SEMA6D: variants seen among roughly 807,000 people sequenced by gnomAD.
SEMA6D encodes the protein semaphorin 6D, also known as semaphorin-6D.
In SEMA6D, 35 loss-of-function variants were observed where a neutral mutation model predicts 106.6. That is an observed-to-expected ratio of 0.33 (90% CI 0.25 to 0.44). The LOEUF is 0.44. Among genes scored for constraint, SEMA6D ranks in the 20% least tolerant of loss-of-function variants. SEMA6D has a pLI of 1.00. For missense variants in SEMA6D, 1,185 were observed against 1,345.9 expected, an observed-to-expected ratio of 0.88 and a Z score of 1.87; for synonymous variants, 499 against 487.7, an observed-to-expected ratio of 1.02 and a Z score of -0.31.
chr15:47,682,228 C>T (rs965210358), intron 4 of SEMA6D, among the ~76,000 whole-genome samples: 10 of 150,828 alleles, frequency 6.6e-5, no homozygotes, highest in East Asian at 2.0e-4. Flanking sequence ...ACTGCAGTGG[C>T]GCTATCTCGG....
intron 1 of SEMA6D, among the ~76,000 whole-genome samples, chr15:47,736,476 G>C (rs1392840568): frequency 2.0e-5 from 3 of 152,200 alleles, no homozygotes; most frequent in Admixed American, 2.0e-4. Context: ...CAAGTCATCT[G>C]TAGAAATTTG....
chr15:47,643,605 C>G (rs1184718077), intron 4 of SEMA6D, among the ~76,000 whole-genome samples: 2 of 152,160 alleles, frequency 1.3e-5, no homozygotes, highest in Non-Finnish European at 2.9e-5. Flanking sequence ...GACATAAAAG[C>G]AAGATCCTAA....
chr15:47,614,836 G>T (rs949278988), intron 4 of SEMA6D, among the ~76,000 whole-genome samples: 2 of 152,186 alleles, frequency 1.3e-5, no homozygotes, highest in Non-Finnish European at 2.9e-5. Flanking sequence ...ATTCCTTGGA[G>T]CCTCAGTGCC....
chr15:47,394,030 C>G (rs1333052364), intron 1 of SEMA6D, among the ~76,000 whole-genome samples: 1 of 152,098 alleles, frequency 6.6e-6, no homozygotes, highest in Non-Finnish European at 1.5e-5. Context: ...CCCCACTCTC[C>G]CTGGTTCTTA....
chr15:47,322,169 A>G (rs1378888230), intron 1 of SEMA6D, among the ~76,000 whole-genome samples: 1 of 152,192 alleles, frequency 6.6e-6, no homozygotes, highest in Non-Finnish European at 1.5e-5. Flanking sequence ...CAAAAATAGT[A>G]CAGAGATTTC....
intron 1 of SEMA6D, among the ~76,000 whole-genome samples, chr15:47,304,433 TAAAAAAAAAA>T (rs56185341): frequency 3.4e-4 from 32 of 93,836 alleles, no homozygotes; most frequent in African/African-American, 1.7e-3. Flanking sequence ...GCCTTCTAAC[TAAAAAAAAAA>T]AAAAAAAAAA....
At chr15:47,659,425 T>G (rs1430818016) in intron 4 of SEMA6D, among the ~76,000 whole-genome samples, 3 of 151,774 alleles carry the variant, frequency 2.0e-5, no homozygotes, top group Admixed American at 6.6e-5. Flanking sequence ...AAAAATAAAA[T>G]ACCTATGTCT....
chr15:47,264,825 AG>A (rs1157353675), intron 1 of SEMA6D, among the ~76,000 whole-genome samples: 1 of 152,052 alleles, frequency 6.6e-6, no homozygotes. Context: ...GTCATGAAAA[AG>A]TATTGGATTT....
Position 47,623,770 on chromosome 15 carries a change from T to C in SEMA6D, c.-55+22874T>C, listed in dbSNP as rs567694988. 7.9e-5 allele frequency among the ~76,000 whole-genome samples: 12 copies of C among 152,336 alleles called. No individual in the cohort carries two copies. The South Asian group carries it at 2.5e-3, about 32-fold the overall frequency. ...AACAAGAAACAGACCTATGTCCTGT[T>C]TCAGAGTATTTTGTAGCCCAGAAGG... On this transcript the variant is annotated intron_variant, in intron 4 of 19. Coordinates refer to the SEMA6D transcript ENST00000558014.
At chr15:47,564,468 AT>A (rs1223844088) in intron 3 of SEMA6D, among the ~76,000 whole-genome samples, 1 of 152,058 alleles carries the variant, frequency 6.6e-6, no homozygotes, top group African/African-American at 2.4e-5. Context: ...TCAAAACAGA[AT>A]TTTTTTTATA....
intron 1 of SEMA6D, among the ~76,000 whole-genome samples, chr15:47,410,150 G>A (rs893117001): frequency 2.1e-5 from 2 of 94,962 alleles, no homozygotes; most frequent in Admixed American, 2.3e-4. Context: ...AATTGTTTTT[G>A]TATTTTTTTT....
chr15:47,762,388 G>C, intron 8 of SEMA6D, 69 bp downstream of exon 8: 2 of 1,566,592 alleles, frequency 1.3e-6, no homozygotes, highest in South Asian at 2.3e-5. Flanking sequence ...CAGCAGCCAC[G>C]GCCATCAAGA....
chr15:47,184,364 T>C (rs528400783), exon 1 of SEMA6D: 2 of 152,494 alleles, frequency 1.3e-5, no homozygotes, highest in East Asian at 3.9e-4. Context: ...GGGCCCGCGG[T>C]GCTAGACACC....
At chr15:47,433,638 A>G (rs1057345072) in intron 2 of SEMA6D, among the ~76,000 whole-genome samples, 11 of 152,248 alleles carry the variant, frequency 7.2e-5, no homozygotes, top group Admixed American at 5.9e-4. Flanking sequence ...TATAGATCAC[A>G]CATTCTGAGA....
chr15:47,548,429 A>AC (rs1265240492), intron 3 of SEMA6D, among the ~76,000 whole-genome samples: 1 of 152,144 alleles, frequency 6.6e-6, no homozygotes, highest in Non-Finnish European at 1.5e-5. Flanking sequence ...CTGGAAGCAA[A>AC]CACAGAAATG....
chr15:47,385,503 C>A (rs541281364), intron 1 of SEMA6D, among the ~76,000 whole-genome samples: 1 of 152,058 alleles, frequency 6.6e-6, no homozygotes, highest in African/African-American at 2.4e-5. Flanking sequence ...CTGGCCTCTG[C>A]TTTCCCTGAG....
At chr15:47,348,716 CACCACACACACAGAGAGAGAGAGAGAGAG>C (rs767664292) in intron 1 of SEMA6D, among the ~76,000 whole-genome samples, 13 of 43,800 alleles carry the variant, frequency 3.0e-4, no homozygotes, top group South Asian at 6.6e-4. Flanking sequence ...CACACACACA[CACCACACACACAGAGAGAGAGAGAGAGAG>C]AGAGAGAGAG....
At chr15:47,225,926 T>C (rs997429819) in intron 1 of SEMA6D, among the ~76,000 whole-genome samples, 1 of 152,090 alleles carries the variant, frequency 6.6e-6, no homozygotes, top group Non-Finnish European at 1.5e-5. Context: ...TACACACATA[T>C]AGTAACACAG....
intron 1 of SEMA6D, among the ~76,000 whole-genome samples, chr15:47,735,259 T>A (rs2080376802): frequency 6.6e-6 from 1 of 152,190 alleles, no homozygotes; most frequent in African/African-American, 2.4e-5. Context: ...CAGTCTTACA[T>A]GACAACAATA....
Sources: gnomAD v4.1 joint callset for allele counts (sites outside exome capture counted in the v4.1 genomes callset) on GRCh38, gnomAD v4.1.1 for gene constraint, MANE v1.5 for transcripts, NCBI Gene and HGNC (gene_info 2026-07-23, HGNC 2026-07-21) for gene names.